The following CLUAP1 variants were observed in gnomAD, a reference collection of about 807,000 sequenced individuals.
The protein encoded by CLUAP1 is intraflagellar transport 38, also known as clusterin-associated protein 1.
A neutral mutation model predicts 55.0 loss-of-function variants in CLUAP1; 50 were observed. The observed-to-expected ratio is 0.91, with a 90% confidence interval of 0.72 to 1.15. CLUAP1 has a LOEUF of 1.15. Ranked by LOEUF, CLUAP1 falls within the 50% of genes most tolerant of loss-of-function variation. CLUAP1 has a pLI of 0.00. For missense variants in CLUAP1, 530 were observed against 507.6 expected (o/e 1.04, Z -0.42); for synonymous variants, 195 against 175.4 (o/e 1.11, Z -0.88).
At chr16:3,506,735 T>G (rs549080938) in intron 3 of CLUAP1, among the ~76,000 whole-genome samples, 1 of 152,194 alleles carries the variant, frequency 6.6e-6, no homozygotes, top group South Asian at 2.1e-4. Flanking sequence ...ACTCCCGACC[T>G]CAAGTAATCC....
chr16:3,495,529 T>G, the CLUAP1 span: 1 of 1,533,614 alleles, frequency 6.5e-7, no homozygotes, highest in Non-Finnish European at 8.8e-7. Context: ...AACTGGTTCT[T>G]ATGACATCAC....
intron 4 of CLUAP1, among the ~76,000 whole-genome samples, chr16:3,510,327 G>C (rs1167830607): frequency 6.6e-6 from 1 of 151,434 alleles, no homozygotes; most frequent in Non-Finnish European, 1.5e-5. Context: ...GCAGAGATGG[G>C]GTTTCACCAT....
chr16:3,509,446 G>C (rs1311574666), intron 4 of CLUAP1, among the ~76,000 whole-genome samples: 12 of 152,190 alleles, frequency 7.9e-5, no homozygotes, highest in Non-Finnish European at 1.8e-4. Context: ...TCTGGCTGCT[G>C]AGCCGCCATC....
chr16:3,499,283 T>A (rs2037344798), upstream of CLUAP1, among the ~76,000 whole-genome samples: 1 of 152,236 alleles, frequency 6.6e-6, no homozygotes, highest in African/African-American at 2.4e-5. Context: ...AGGCGGAGGT[T>A]TCAGTGAGCC....
At chr16:3,521,418 T>C (rs2037829745) in intron 7 of CLUAP1, among the ~76,000 whole-genome samples, 1 of 151,704 alleles carries the variant, frequency 6.6e-6, no homozygotes, top group South Asian at 2.1e-4. Flanking sequence ...AGTATAGATT[T>C]TTATGGTTTT....
the CLUAP1 span, chr16:3,495,492 G>A: frequency 3.2e-6 from 5 of 1,571,104 alleles, no homozygotes; most frequent in Non-Finnish European, 4.3e-6. Flanking sequence ...CCCTGCCTAG[G>A]GGGTACATTG....
chr16:3,503,484 G>T (rs1421779723), intron 1 of CLUAP1, among the ~76,000 whole-genome samples: 2 of 152,136 alleles, frequency 1.3e-5, no homozygotes, highest in African/African-American at 4.8e-5. Context: ...TTTAGTAGAG[G>T]TGGGGTTTCA....
chr16:3,506,240 C>T (rs2037503320), intron 2 of CLUAP1, 91 bp from the exon 3 acceptor site: 1 of 1,046,008 alleles, frequency 9.6e-7, no homozygotes, highest in Non-Finnish European at 1.5e-6. Flanking sequence ...CGTTGTGTTC[C>T]AGACCCGCTG....
intron 9 of CLUAP1, among the ~76,000 whole-genome samples, chr16:3,529,780 T>A (rs1360260232): frequency 8.6e-5 from 5 of 58,472 alleles, no homozygotes; most frequent in East Asian, 5.4e-4. Flanking sequence ...TTATTATATA[T>A]TATATAATAT....
intron 6 of CLUAP1, among the ~76,000 whole-genome samples, chr16:3,519,506 G>A (rs771048237): frequency 3.9e-5 from 6 of 152,156 alleles, no homozygotes; most frequent in Non-Finnish European, 7.3e-5. Flanking sequence ...TCTGTAAGTC[G>A]GGTGTTTGTA....
intron 4 of CLUAP1, among the ~76,000 whole-genome samples, chr16:3,510,703 CTTAAGTAAT>C (rs1442456357): frequency 2.0e-5 from 3 of 152,126 alleles, no homozygotes; most frequent in Non-Finnish European, 4.4e-5. Flanking sequence ...TTCTTTAATT[CTTAAGTAAT>C]TTAAGTGAAA....
chr16:3,506,392 A>C lies in CLUAP1; in HGVS notation c.196A>C (p.Ile66Leu). The C allele has an allele frequency of 6.2e-7, 1 of 1,613,990 alleles. No homozygotes were observed. Among genetic ancestry groups the C allele is most frequent in the Non-Finnish European group, 8.5e-7 (1 of 1,179,838 alleles). Residue 66 changes from isoleucine to leucine, a missense_variant, in exon 3 of 12, where the codon ATT (isoleucine) becomes CTT (leucine). Physicochemically the swap from Ile to Leu is conservative, Grantham distance 5. Transcript: ENST00000576634. ...VDTEQDRVFF[I>L]KAIAQFMATK... is the part of the protein sequence containing the mutation. ...TACTGAACAGGACCGAGTTTTCTTCATTAAGGCAATTGCCCAGTTCATGGT... is the reference window on the plus strand; with the variant it reads ...TACTGAACAGGACCGAGTTTTCTTCCTTAAGGCAATTGCCCAGTTCATGGT...
At position 3,517,946 on chromosome 16, in the gene CLUAP1, C is replaced by G. The variant is rs192168881; in HGVS notation, c.580-1957C>G. On this transcript the variant is annotated intron_variant, in intron 6 of 11. Coordinates refer to ENST00000576634, the MANE Select transcript of CLUAP1 (RefSeq NM_015041.3). ...TGATAACTGGACACATAGGCAGCTC[C>G]TATCTGCTGTTGGGGACTTCACTGG... 2.6e-5 allele frequency among the ~76,000 whole-genome samples: 4 copies of G among 152,270 alleles called. No individual in the cohort carries two copies. In the East Asian group the frequency reaches 5.8e-4, roughly 22 times the overall value.
rs539579274 is a variant in CLUAP1 at position 3,523,509 on chromosome 16, A to T, written c.855+210A>T. On this transcript the variant is annotated intron_variant, in intron 8 of 11. Transcript: ENST00000576634. ...TGTCAAATCTTTGATGTCATATTTC[A>T]TCAGGTTTGGTCAGTTAAGAGAACA... 5.3e-5 allele frequency among the ~76,000 whole-genome samples: 8 copies of T among 152,300 alleles called. No individual in the cohort carries two copies. The East Asian group carries it at 1.5e-3, about 29-fold the overall frequency.
At chr16:3,500,703 G>T (rs1429868629), upstream of CLUAP1, among the ~76,000 whole-genome samples, 1 of 152,150 alleles carries the variant, frequency 6.6e-6, no homozygotes, top group East Asian at 1.9e-4. Flanking sequence ...AAATGAGGGG[G>T]AAATAAGCAA....
At chr16:3,533,469 G>A (rs1323395102) in intron 11 of CLUAP1, 1 of 383,076 alleles carries the variant, frequency 2.6e-6, no homozygotes, top group African/African-American at 2.0e-5. Flanking sequence ...GGACGGAATG[G>A]TGAAGCAGCA....
intron 3 of CLUAP1, among the ~76,000 whole-genome samples, chr16:3,506,922 T>G (rs1009147033): frequency 5.3e-5 from 8 of 152,206 alleles, no homozygotes; most frequent in African/African-American, 1.9e-4. Context: ...TTATGCCAGG[T>G]GTGGTGGCTC....
chr16:3,525,608 T>C (rs2037927201), intron 8 of CLUAP1, among the ~76,000 whole-genome samples: 1 of 152,108 alleles, frequency 6.6e-6, no homozygotes, highest in Non-Finnish European at 1.5e-5. Context: ...CCTGCCACTC[T>C]GTCTGGAGGG....
At chr16:3,532,944 G>A in intron 11 of CLUAP1, 103 bp downstream of exon 11, 1 of 1,456,416 alleles carries the variant, frequency 6.9e-7, no homozygotes, top group Non-Finnish European at 9.6e-7. Flanking sequence ...AGCCGTCTAT[G>A]GTCAGCCCGG....
Sources: gnomAD v4.1 joint callset for allele counts (sites outside exome capture counted in the v4.1 genomes callset) on GRCh38, gnomAD v4.1.1 for gene constraint, MANE v1.5 for transcripts, NCBI Gene and HGNC (gene_info 2026-07-23, HGNC 2026-07-21) for gene names.